Variants in RAD51B observed in about 807,000 individuals in gnomAD.
RAD51B encodes the protein RAD51 paralog B, also known as DNA repair protein RAD51 homolog 2.
A neutral mutation model predicts 42.2 loss-of-function variants in RAD51B; 38 were observed. That is an observed-to-expected ratio of 0.90 (90% CI 0.70 to 1.18). The LOEUF (loss-of-function observed/expected upper bound fraction) is 1.18. RAD51B is among the 50% of genes most tolerant of loss of function. The pLI, the probability that RAD51B is intolerant of heterozygous loss-of-function variation, is 0.00. For synonymous variants in RAD51B, 154 were observed against 145.2 expected, an observed-to-expected ratio of 1.06 and a Z score of -0.43; for missense variants, 373 against 400.7, an observed-to-expected ratio of 0.93 and a Z score of 0.59.
At chr14:68,241,784 C>T (rs966497483) in intron 7 of RAD51B, among the ~76,000 whole-genome samples, 4 of 152,066 alleles carry the variant, frequency 2.6e-5, no homozygotes, top group African/African-American at 9.7e-5. Context: ...CAAATGATTC[C>T]CCTGCCCAGT....
chr14:68,595,483 AG>A, exon 11 of RAD51B: 2 of 1,066,748 alleles, frequency 1.9e-6, no homozygotes, highest in Non-Finnish European at 2.3e-6. Context: ...TCCTAGCTTG[AG>A]TAGATTAAAT....
Position 67,911,228 on chromosome 14 carries a change from T to A in RAD51B, c.756+24024T>A, listed in dbSNP as rs115825673. On this transcript the variant is annotated intron_variant, in intron 7 of 10. Transcript: ENST00000471583. Reference sequence around the variant, plus strand: ...TCCAGATGTGTTAATATATGTATTTTCTTATTAAGTCCTTTGCATTGAAAT... The same window carrying A: ...TCCAGATGTGTTAATATATGTATTTACTTATTAAGTCCTTTGCATTGAAAT... Among the ~76,000 whole-genome samples, 1,225 of 152,318 alleles carry A rather than the reference T, an allele frequency of 8.0e-3. 15 individuals carry two copies. The highest frequency in any genetic ancestry group is 0.028 in the African/African-American group (1,148 of 41,568).
chr14:68,130,083 C>T (rs2140671963), intron 7 of RAD51B: 1 of 152,368 alleles, frequency 6.6e-6, no homozygotes, highest in South Asian at 2.1e-4. Context: ...TCATAGTCCT[C>T]TTCCAAGATC....
At chr14:68,547,269 G>A (rs764320189) in intron 10 of RAD51B, among the ~76,000 whole-genome samples, 5 of 152,128 alleles carry the variant, frequency 3.3e-5, no homozygotes, top group Admixed American at 1.3e-4. Flanking sequence ...CCTTGTGTCG[G>A]GATTAACCTC....
chr14:68,087,963 T>A (rs1475387652), intron 7 of RAD51B, among the ~76,000 whole-genome samples: 2 of 112,578 alleles, frequency 1.8e-5, no homozygotes, highest in African/African-American at 9.3e-5. Context: ...AATTATATAA[T>A]TTATTATTAT....
At chr14:68,667,026 A>G (rs1453189555) in intron 11 of RAD51B, among the ~76,000 whole-genome samples, 2 of 152,224 alleles carry the variant, frequency 1.3e-5, no homozygotes, top group East Asian at 3.8e-4. Flanking sequence ...AGGTGACATA[A>G]CCACTGAGAT....
intron 9 of RAD51B, among the ~76,000 whole-genome samples, chr14:68,443,381 A>C (rs536581736): frequency 4.6e-5 from 7 of 152,314 alleles, no homozygotes; most frequent in African/African-American, 1.7e-4. Context: ...TGGGTGTATA[A>C]GAAATGTGCG....
At chr14:68,222,207 A>T (rs1386330400) in intron 7 of RAD51B, among the ~76,000 whole-genome samples, 3 of 152,216 alleles carry the variant, frequency 2.0e-5, no homozygotes, top group Admixed American at 6.5e-5. Context: ...GTCATTATAT[A>T]AAAAAGATAC....
intron 10 of RAD51B, chr14:68,610,962 A>G: frequency 1.4e-6 from 1 of 695,472 alleles, no homozygotes; most frequent in South Asian, 1.5e-5. Flanking sequence ...TCTTTAATAA[A>G]AGTTTGTTGC....
intron 7 of RAD51B, among the ~76,000 whole-genome samples, chr14:68,105,376 A>G (rs896686974): frequency 6.6e-6 from 1 of 151,962 alleles, no homozygotes; most frequent in African/African-American, 2.4e-5. Context: ...AAATTGATGT[A>G]TATGCATGAT....
exon 11 of RAD51B, chr14:68,611,044 T>A (rs1891661783): frequency 1.4e-6 from 1 of 703,096 alleles, no homozygotes; most frequent in Admixed American, 2.0e-5. Flanking sequence ...CAGGTCAGAA[T>A]GCTGGTCAGC....
At chr14:68,554,830 C>T (rs537740004) in intron 10 of RAD51B, among the ~76,000 whole-genome samples, 2 of 151,056 alleles carry the variant, frequency 1.3e-5, no homozygotes, top group Non-Finnish European at 2.9e-5. Flanking sequence ...GAATAGCAGC[C>T]GAGGTATTAG....
rs114990772 is a variant in RAD51B at position 67,997,556 on chromosome 14, T to C, written c.756+110352T>C. Among the ~76,000 whole-genome samples the C allele has an allele frequency of 8.0e-3, 1,225 of 152,324 alleles. 14 individuals carry two copies. Among genetic ancestry groups the C allele is most frequent in the African/African-American group, 0.028 (1,147 of 41,570 alleles). On this transcript the variant is annotated intron_variant, in intron 7 of 10. Transcript: ENST00000471583. ...TATACCTCATCTTTTTCCTATTGTC[T>C]GTGATCAAAATGTTCTTTAAAATGA... is the stretch of plus-strand genomic sequence containing the variant.
intron 7 of RAD51B, among the ~76,000 whole-genome samples, chr14:67,896,818 A>G (rs967100741): frequency 1.3e-5 from 2 of 152,220 alleles, no homozygotes; most frequent in Non-Finnish European, 2.9e-5. Flanking sequence ...CCTTCCAAGT[A>G]AAGCTGGAGG....
intron 10 of RAD51B, among the ~76,000 whole-genome samples, chr14:68,485,194 C>T (rs1399053717): frequency 6.6e-6 from 1 of 152,178 alleles, no homozygotes; most frequent in Non-Finnish European, 1.5e-5. Flanking sequence ...TGGACTACTG[C>T]AAGCATACTC....
chr14:68,430,180 G>A (rs937088820), intron 9 of RAD51B, among the ~76,000 whole-genome samples: 11 of 152,160 alleles, frequency 7.2e-5, no homozygotes, highest in Admixed American at 6.5e-4. Context: ...GTCAGGTAGG[G>A]TGATGCCTCC....
At chr14:67,825,156 C>A (rs2040781232) in intron 2 of RAD51B, among the ~76,000 whole-genome samples, 1 of 148,978 alleles carries the variant, frequency 6.7e-6, no homozygotes, top group African/African-American at 2.5e-5. Flanking sequence ...TATTTATACC[C>A]AAATTCTTTT....
At chr14:68,596,838 G>A (rs184650491), downstream of RAD51B, among the ~76,000 whole-genome samples, 7 of 152,336 alleles carry the variant, frequency 4.6e-5, no homozygotes, top group Middle Eastern at 3.4e-3. Context: ...CACTAATCCC[G>A]TCAGGGGCAG....
At chr14:68,498,998 G>A (rs1193882246) in intron 10 of RAD51B, among the ~76,000 whole-genome samples, 2 of 152,196 alleles carry the variant, frequency 1.3e-5, no homozygotes, top group Non-Finnish European at 2.9e-5. Flanking sequence ...CAGAGAGCAA[G>A]GCTAGAGGAG....
Sources: allele counts gnomAD v4.1 joint callset (sites outside exome capture counted in the v4.1 genomes callset), GRCh38; gene constraint gnomAD v4.1.1; transcripts MANE v1.5; gene names NCBI Gene and HGNC (gene_info 2026-07-23, HGNC 2026-07-21).